DGLUCY: variants seen among roughly 807,000 people sequenced by gnomAD.
DGLUCY encodes the protein D-glutamate cyclase, mitochondrial.
In DGLUCY, 58 loss-of-function variants were observed where a neutral mutation model predicts 58.5. That is an observed-to-expected ratio of 0.99 (90% confidence interval 0.80 to 1.23). The LOEUF (loss-of-function observed/expected upper bound fraction) is 1.23, where lower values mean the gene tolerates loss of function less well. Ranked by LOEUF, DGLUCY falls within the 50% of genes most tolerant of loss-of-function variation. The pLI is 0.00. For synonymous variants in DGLUCY, 325 were observed against 314.1 expected (o/e 1.03, Z -0.37); for missense variants, 779 against 784.7 (o/e 0.99, Z 0.09).
intron 10 of DGLUCY, 31 bp from the exon 11 acceptor site, chr14:91,199,726 C>T (rs754933578): frequency 1.9e-6 from 3 of 1,612,512 alleles, no homozygotes; most frequent in Non-Finnish European, 2.5e-6. Context: ...TCCATAGGAC[C>T]CTCTGACCTC....
chr14:91,120,047 G>C (rs2045254162), intron 1 of DGLUCY, among the ~76,000 whole-genome samples: 1 of 152,130 alleles, frequency 6.6e-6, no homozygotes, highest in South Asian at 2.1e-4. Context: ...CTGCTCCTCG[G>C]CTTGCAGACA....
upstream of DGLUCY, among the ~76,000 whole-genome samples, chr14:91,112,931 G>A (rs936300453): frequency 3.4e-5 from 5 of 149,146 alleles, no homozygotes; most frequent in African/African-American, 9.9e-5. Flanking sequence ...CCCAGGAGGC[G>A]GAGATTGCAG....
chr14:91,151,406 AT>A (rs955600787), intron 1 of DGLUCY, among the ~76,000 whole-genome samples: 8 of 150,828 alleles, frequency 5.3e-5, no homozygotes, highest in Non-Finnish European at 1.0e-4. Flanking sequence ...CACCCGGCTA[AT>A]TTTTTTTTAT....
chr14:91,182,541 T>C (rs1480417259), intron 8 of DGLUCY, among the ~76,000 whole-genome samples: 1 of 149,366 alleles, frequency 6.7e-6, no homozygotes, highest in Non-Finnish European at 1.5e-5. Context: ...CAAGTGATTT[T>C]CCCGCCTCGG....
Position 91,179,479 on chromosome 14 carries a change from C to T in DGLUCY, c.731-1707C>T, listed in dbSNP as rs1253486554. Among the ~76,000 whole-genome samples, 6 of 151,524 alleles carry T rather than the reference C, an allele frequency of 4.0e-5. No individual in the cohort carries two copies. In the East Asian group the frequency reaches 5.8e-4, roughly 15 times the overall value. ...AAATATATATAGATGAGGCTGGGTG[C>T]GGTGGCTCACGCCTGTAATCCCAGC... On this transcript the variant is annotated intron_variant, in intron 7 of 13. Transcript: ENST00000256324.
intron 1 of DGLUCY, among the ~76,000 whole-genome samples, chr14:91,102,716 A>T (rs2044508714): frequency 7.2e-6 from 1 of 139,208 alleles, no homozygotes. Flanking sequence ...GGATTGGAGG[A>T]TGCTGCTGGG....
intron 7 of DGLUCY, among the ~76,000 whole-genome samples, chr14:91,177,439 TA>T (rs1271954993): frequency 6.6e-6 from 1 of 152,190 alleles, no homozygotes; most frequent in Non-Finnish European, 1.5e-5. Context: ...GAAATATAAC[TA>T]AACAAGTCAT....
intron 13 of DGLUCY, among the ~76,000 whole-genome samples, chr14:91,223,289 C>T (rs140207913): frequency 1.9e-3 from 283 of 152,312 alleles, no homozygotes; most frequent in African/African-American, 6.6e-3. Context: ...GGTTCAGGGC[C>T]TGACACATAC....
intron 8 of DGLUCY, among the ~76,000 whole-genome samples, chr14:91,184,655 G>A (rs1198701231): frequency 8.4e-6 from 1 of 119,702 alleles, no homozygotes. Flanking sequence ...GAGGGAGGGA[G>A]GGAAGGAGGG....
rs140473581 is a variant in DGLUCY at position 91,181,278 on chromosome 14, A to G, written c.823A>G (p.Arg275Gly). Residue 275 changes from arginine (R) to glycine (G), a missense_variant, in exon 8 of 14, where the codon AGA (arginine) becomes GGA (glycine). Arg to Gly is a moderately radical substitution (Grantham distance 125). Transcript: ENST00000256324. ...TCCACCTGGTTGTCTCACCCCAGAG[A>G]GAATTCCAGAGGTCCATCACATTTC... Reference protein sequence around the residue: ...KAPPGCLTPERIPEVHHISQD... With the variant: ...KAPPGCLTPEGIPEVHHISQD... 22 of 1,614,076 alleles carry G rather than the reference A, an allele frequency of 1.4e-5. No individual in the cohort carries two copies. The African/African-American group carries it at 2.5e-4, about 19-fold the overall frequency.
intron 13 of DGLUCY, among the ~76,000 whole-genome samples, chr14:91,222,595 G>A (rs1368950929): frequency 6.6e-6 from 1 of 152,208 alleles, no homozygotes; most frequent in Non-Finnish European, 1.5e-5. Flanking sequence ...GGCCCCCAGG[G>A]CAGAACAGAA....
upstream of DGLUCY, among the ~76,000 whole-genome samples, chr14:91,105,064 C>T (rs2044565904): frequency 6.6e-6 from 1 of 152,114 alleles, no homozygotes; most frequent in African/African-American, 2.4e-5. Context: ...CCTATAATCC[C>T]AGCACTTTGG....
At chr14:91,068,455 G>C (rs990696975) in intron 1 of DGLUCY, among the ~76,000 whole-genome samples, 1 of 152,202 alleles carries the variant, frequency 6.6e-6, no homozygotes, top group Admixed American at 6.5e-5. Context: ...GATCACCTGA[G>C]GTTGGGAGTT....
At chr14:91,205,626 C>T (rs1449958973) in intron 12 of DGLUCY, among the ~76,000 whole-genome samples, 2 of 152,190 alleles carry the variant, frequency 1.3e-5, no homozygotes, top group Admixed American at 1.3e-4. Context: ...TCTGGGGGCC[C>T]TCGTGCTCTT....
chr14:91,096,705 C>T (rs1371200561), intron 1 of DGLUCY, among the ~76,000 whole-genome samples: 2 of 152,130 alleles, frequency 1.3e-5, no homozygotes, highest in African/African-American at 2.4e-5. Flanking sequence ...CTTGTTCCTC[C>T]GACTTCTGCA....
At chr14:91,145,617 C>T (rs758480304) in intron 1 of DGLUCY, among the ~76,000 whole-genome samples, 2 of 152,204 alleles carry the variant, frequency 1.3e-5, no homozygotes, top group Non-Finnish European at 2.9e-5. Flanking sequence ...CTTGTCCCAA[C>T]TGTCACCACC....
At chr14:91,206,772 T>C (rs1686376577) in intron 12 of DGLUCY, among the ~76,000 whole-genome samples, 1 of 152,046 alleles carries the variant, frequency 6.6e-6, no homozygotes. Flanking sequence ...AAAACACAAT[T>C]TGAAGAGAAG....
chr14:91,103,180 G>C, upstream of DGLUCY, among the ~76,000 whole-genome samples: 1 of 152,074 alleles, frequency 6.6e-6, no homozygotes, highest in Non-Finnish European at 1.5e-5. Flanking sequence ...GCTGCCTGGG[G>C]AGCTGCTGCC....
At chr14:91,196,247 T>C in intron 9 of DGLUCY, 128 bp from the exon 10 acceptor site, 2 of 700,260 alleles carry the variant, frequency 2.9e-6, no homozygotes, top group Non-Finnish European at 4.9e-6. Context: ...TTACCTAACA[T>C]GTTCTACAGA....
Sources: gnomAD v4.1 joint callset for allele counts (sites outside exome capture counted in the v4.1 genomes callset) on GRCh38, gnomAD v4.1.1 for gene constraint, MANE v1.5 for transcripts, NCBI Gene and HGNC (gene_info 2026-07-23, HGNC 2026-07-21) for gene names.